The following DSCAM variants were observed in gnomAD, a reference collection of about 807,000 sequenced individuals.
DSCAM encodes the protein DS cell adhesion molecule, also known as cell adhesion molecule DSCAM.
Under a neutral mutation model 217.7 loss-of-function variants are expected in DSCAM, and 47 were observed. That is an observed-to-expected ratio of 0.22 (90% CI 0.17 to 0.28). DSCAM has a LOEUF of 0.28. DSCAM is among the 10% of genes least tolerant of loss of function. DSCAM has a pLI of 1.00. For synonymous variants in DSCAM, 1,056 were observed against 1,015.3 expected (o/e 1.04, Z -0.76); for missense variants, 2,080 against 2,618.3 (o/e 0.79, Z 4.49).
chr21:40,603,093 A>T (rs180971636), intron 3 of DSCAM, among the ~76,000 whole-genome samples: 65 of 152,200 alleles, frequency 4.3e-4, no homozygotes, highest in African/African-American at 1.5e-3. Flanking sequence ...GTTATTTGGA[A>T]GTGTATTTTT....
intron 1 of DSCAM, among the ~76,000 whole-genome samples, chr21:40,813,915 G>C (rs954915166): frequency 2.6e-5 from 4 of 152,046 alleles, no homozygotes; most frequent in African/African-American, 9.7e-5. Flanking sequence ...AAAGTGCTGG[G>C]ATTACAGGTA....
chr21:40,379,631 G>A (rs544748104), intron 3 of DSCAM, among the ~76,000 whole-genome samples: 200 of 152,240 alleles, frequency 1.3e-3, no homozygotes, highest in African/African-American at 4.4e-3. Flanking sequence ...CAGTCCAGTT[G>A]ATTTGGGTGT....
At chr21:40,521,336 T>G (rs2076357181) in intron 3 of DSCAM, among the ~76,000 whole-genome samples, 1 of 152,162 alleles carries the variant, frequency 6.6e-6, no homozygotes, top group Non-Finnish European at 1.5e-5. Flanking sequence ...CCGCTATACT[T>G]TTTTCCGTAA....
intron 3 of DSCAM, among the ~76,000 whole-genome samples, chr21:40,662,449 G>A (rs982411240): frequency 1.3e-5 from 2 of 152,132 alleles, no homozygotes; most frequent in African/African-American, 2.4e-5. Flanking sequence ...CATAAGTGAC[G>A]CAAAGTCCAA....
intron 8 of DSCAM, among the ~76,000 whole-genome samples, chr21:40,333,473 TC>T (rs1392362299): frequency 8.5e-5 from 13 of 152,126 alleles, no homozygotes. Context: ...CAAGCCATCC[TC>T]CCTCCTCAGC....
chr21:40,082,018 C>A (rs2089469910), intron 24 of DSCAM, among the ~76,000 whole-genome samples: 1 of 152,048 alleles, frequency 6.6e-6, no homozygotes, highest in Admixed American at 6.5e-5. Context: ...TATTTTTTTC[C>A]TATAAGAAGG....
intron 3 of DSCAM, among the ~76,000 whole-genome samples, chr21:40,408,520 G>A (rs2075297359): frequency 6.6e-6 from 1 of 152,058 alleles, no homozygotes; most frequent in South Asian, 2.1e-4. Flanking sequence ...TTAGTGAGGA[G>A]CATTGACAAC....
intron 16 of DSCAM, among the ~76,000 whole-genome samples, chr21:40,163,198 G>A (rs1045618877): frequency 6.6e-6 from 1 of 151,994 alleles, no homozygotes; most frequent in Non-Finnish European, 1.5e-5. Context: ...GAGAGAAGGT[G>A]ACAGGCACTG....
At chr21:40,466,994 T>C (rs1259309287) in intron 3 of DSCAM, among the ~76,000 whole-genome samples, 2 of 152,224 alleles carry the variant, frequency 1.3e-5, no homozygotes, top group Admixed American at 6.5e-5. Context: ...TATTTTTAAA[T>C]GCCTATACTT....
At chr21:40,267,572 T>G (rs1264636231) in intron 11 of DSCAM, among the ~76,000 whole-genome samples, 2 of 152,214 alleles carry the variant, frequency 1.3e-5, no homozygotes, top group Non-Finnish European at 2.9e-5. Context: ...ACCAAAATGT[T>G]GTTATGCAGC....
chr21:40,015,057 G>C (rs867870670), intron 32 of DSCAM, among the ~76,000 whole-genome samples: 3 of 152,168 alleles, frequency 2.0e-5, no homozygotes, highest in African/African-American at 7.2e-5. Flanking sequence ...TAAATACGGA[G>C]TGTTCAGTGG....
At chr21:40,699,540 G>C (rs1423134607) in intron 2 of DSCAM, among the ~76,000 whole-genome samples, 1 of 152,192 alleles carries the variant, frequency 6.6e-6, no homozygotes, top group Admixed American at 6.5e-5. Flanking sequence ...AAAAGTTCTT[G>C]AAGGAAATGA....
At chr21:40,211,903 T>C (rs1161323855) in intron 11 of DSCAM, among the ~76,000 whole-genome samples, 1 of 151,962 alleles carries the variant, frequency 6.6e-6, no homozygotes, top group Non-Finnish European at 1.5e-5. Context: ...TGGCAAATAG[T>C]AGCTGCTACA....
chr21:40,632,904 C>T (rs1314869314), intron 3 of DSCAM, among the ~76,000 whole-genome samples: 1 of 152,208 alleles, frequency 6.6e-6, no homozygotes, highest in African/African-American at 2.4e-5. Flanking sequence ...TACTCCATCA[C>T]TTTAAGCACC....
chr21:40,235,850 C>T (rs1212354089), intron 11 of DSCAM, among the ~76,000 whole-genome samples: 2 of 151,860 alleles, frequency 1.3e-5, no homozygotes, highest in Admixed American at 1.3e-4. Context: ...ACATTAGATG[C>T]AATAAACGTA....
chr21:40,616,101 G>A (rs189152665), intron 3 of DSCAM, among the ~76,000 whole-genome samples: 29 of 152,198 alleles, frequency 1.9e-4, no homozygotes, highest in African/African-American at 7.0e-4. Flanking sequence ...TTGGTTGGAA[G>A]CAGAAATAAC....
chr21:40,221,210 C>T (rs531108335), intron 11 of DSCAM, among the ~76,000 whole-genome samples: 3 of 152,088 alleles, frequency 2.0e-5, no homozygotes, highest in Admixed American at 6.6e-5. Flanking sequence ...GAATAATAGA[C>T]GGATCTCTCC....
intron 3 of DSCAM, among the ~76,000 whole-genome samples, chr21:40,692,169 C>A (rs1005896072): frequency 6.6e-6 from 1 of 152,256 alleles, no homozygotes; most frequent in African/African-American, 2.4e-5. Flanking sequence ...CCATGCATCA[C>A]GCGGACAGTC....
chr21:40,028,836 C>T (rs1485891904), intron 32 of DSCAM, among the ~76,000 whole-genome samples: 1 of 152,198 alleles, frequency 6.6e-6, no homozygotes, highest in Non-Finnish European at 1.5e-5. Flanking sequence ...GGAGCTGTTC[C>T]TATTCGCACT....
Sources: gnomAD v4.1 joint callset for allele counts (sites outside exome capture counted in the v4.1 genomes callset) on GRCh38, gnomAD v4.1.1 for gene constraint, MANE v1.5 for transcripts, NCBI Gene and HGNC (gene_info 2026-07-23, HGNC 2026-07-21) for gene names.